Variants in PCDH7 observed in about 807,000 individuals in gnomAD.
PCDH7 encodes protocadherin-7.
PCDH7 carries 17 observed loss-of-function variants against 58.9 expected under a neutral mutation model. The ratio of observed to expected loss-of-function variants is 0.29; its 90% CI spans 0.20 to 0.43. PCDH7 has a LOEUF of 0.43. Among genes scored for constraint, PCDH7 ranks in the 20% least tolerant of loss-of-function variants. The probability of loss-of-function intolerance (pLI) is 1.00; values close to 1 mark genes in which losing one functional copy is unlikely to be tolerated. For missense variants in PCDH7, 1,274 were observed against 1,441.0 expected (o/e 0.88, Z 1.88); for synonymous variants, 664 against 616.4 (o/e 1.08, Z -1.14).
At position 30,721,538 on chromosome 4, in the gene PCDH7, C is replaced by A; in HGVS notation, c.116C>A (p.Ala39Asp). The change falls in exon 1 of 2, where the codon GCC becomes GAC. Residue 39 changes from alanine (A) to aspartate (D), a missense_variant. Around this residue, in one of 3 missense-constraint regions of PCDH7, gnomAD observed 212 missense variants for 255.8 expected, o/e 0.83. Transcript: ENST00000361762. The surrounding 1 kb of genome is among the most constrained non-coding windows in gnomAD (Gnocchi z 6.7). ...AAGCAGCTCCTCCGGTACCGGCTGGCCGAGGAGGGCCCCGCCGACGTCCGC... is the reference window on the plus strand; with the variant it reads ...AAGCAGCTCCTCCGGTACCGGCTGGACGAGGAGGGCCCCGCCGACGTCCGC... 1 of 1,600,956 alleles carries A rather than the reference C, an allele frequency of 6.2e-7. No individual in the cohort carries two copies. The highest frequency in any genetic ancestry group is 8.5e-7 in the Non-Finnish European group (1 of 1,179,512).
At position 30,840,366 on chromosome 4, in the gene PCDH7, T is replaced by C. The variant is rs147735270; in HGVS notation, c.71-79787T>C. On this transcript the variant is annotated intron_variant, in intron 1 of 3. Transcript: ENST00000509759. ...TTAGCTCAGTGCCAGTGTGGTAACC[T>C]TAAACTCGCTTACTTAAGTGGCTGA... 8.8e-3 allele frequency among the ~76,000 whole-genome samples: 1,334 copies of C among 152,240 alleles called. 17 individuals are homozygous for C. Among genetic ancestry groups the C allele is most frequent in the African/African-American group, 0.03 (1,231 of 41,546 alleles).
intron 1 of PCDH7, among the ~76,000 whole-genome samples, chr4:30,896,162 C>A (rs1363469185): frequency 2.6e-5 from 4 of 152,104 alleles, no homozygotes; most frequent in Non-Finnish European, 5.9e-5. Flanking sequence ...CTGGCTAAAT[C>A]CAGTTATATT....
At chr4:30,737,679 C>T (rs1352142486), downstream of PCDH7, among the ~76,000 whole-genome samples, 2 of 152,090 alleles carry the variant, frequency 1.3e-5, no homozygotes, top group Non-Finnish European at 2.9e-5. Context: ...CCACATATAC[C>T]AGTAGGCACT....
chr4:30,804,449 G>A (rs1185296684), intron 1 of PCDH7, among the ~76,000 whole-genome samples: 1 of 151,854 alleles, frequency 6.6e-6, no homozygotes, highest in Non-Finnish European at 1.5e-5. Context: ...TGAGGCAGGG[G>A]AATCGCTTGG....
At chr4:30,849,939 C>A (rs1390905488) in intron 1 of PCDH7, among the ~76,000 whole-genome samples, 1 of 152,036 alleles carries the variant, frequency 6.6e-6, no homozygotes, top group Non-Finnish European at 1.5e-5. Context: ...TGTCAGGACC[C>A]CAATCTTTGT....
At chr4:31,110,103 T>C (rs114102847) in intron 3 of PCDH7, among the ~76,000 whole-genome samples, 263 of 152,360 alleles carry the variant, frequency 1.7e-3, no homozygotes, top group Middle Eastern at 6.8e-3. Context: ...TCTGAATTGT[T>C]TATTTCACTT....
Position 31,123,630 on chromosome 4 carries a change from C to A in PCDH7, c.*8-18843C>A, listed in dbSNP as rs77369743. On this transcript the variant is annotated intron_variant, in intron 3 of 3. Transcript: ENST00000509759. ...ACAGTGCTCTTTTAGCTTTGCTGTT[C>A]ACGGATGGCTTAAGTGTTAAACAGC... is the stretch of plus-strand genomic sequence containing the variant. 1.9e-3 allele frequency among the ~76,000 whole-genome samples: 284 copies of A among 152,252 alleles called. 10 individuals carry two copies. In the East Asian group the frequency reaches 0.051, roughly 27 times the overall value.
chr4:31,091,628 A>G (rs1713265785), intron 3 of PCDH7, among the ~76,000 whole-genome samples: 1 of 151,920 alleles, frequency 6.6e-6, no homozygotes, highest in South Asian at 2.1e-4. Flanking sequence ...TGAAAAGGAT[A>G]GCATAAAAAT....
intron 3 of PCDH7, among the ~76,000 whole-genome samples, chr4:31,141,419 C>A (rs1307865348): frequency 6.6e-6 from 1 of 152,170 alleles, no homozygotes; most frequent in Non-Finnish European, 1.5e-5. Flanking sequence ...TTAAATAAAA[C>A]CCTTCAGGTT....
intron 1 of PCDH7, among the ~76,000 whole-genome samples, chr4:30,910,715 A>G (rs892149292): frequency 1.3e-5 from 2 of 152,162 alleles, no homozygotes; most frequent in African/African-American, 4.8e-5. Context: ...TCTTGGGAGC[A>G]TAAATTAGTT....
At chr4:30,948,167 T>A (rs2109444057) in intron 2 of PCDH7, among the ~76,000 whole-genome samples, 1 of 152,204 alleles carries the variant, frequency 6.6e-6, no homozygotes, top group South Asian at 2.1e-4. Flanking sequence ...AGTATACTTT[T>A]CATTACTTTT....
At chr4:30,890,283 G>A (rs1738440561) in intron 1 of PCDH7, among the ~76,000 whole-genome samples, 1 of 152,018 alleles carries the variant, frequency 6.6e-6, no homozygotes, top group Non-Finnish European at 1.5e-5. Context: ...TTCATTTAAT[G>A]CAATTCATAC....
At chr4:31,118,890 G>A (rs776887524) in intron 3 of PCDH7, among the ~76,000 whole-genome samples, 16 of 152,048 alleles carry the variant, frequency 1.1e-4, no homozygotes, top group Non-Finnish European at 2.1e-4. Flanking sequence ...AGAGAAAATC[G>A]TAAACCTCAA....
intron 1 of PCDH7, among the ~76,000 whole-genome samples, chr4:30,824,668 G>C (rs546652363): frequency 6.6e-6 from 1 of 151,976 alleles, no homozygotes; most frequent in African/African-American, 2.4e-5. Context: ...ATACAGGCCC[G>C]GTTTTAGCAA....
chr4:30,957,255 A>G (rs1208925933), intron 3 of PCDH7, among the ~76,000 whole-genome samples: 1 of 152,184 alleles, frequency 6.6e-6, no homozygotes, highest in Non-Finnish European at 1.5e-5. Context: ...GATAACAGAC[A>G]TCAATTAAAT....
At chr4:30,956,930 A>G (rs547287979) in intron 3 of PCDH7, among the ~76,000 whole-genome samples, 1 of 152,344 alleles carries the variant, frequency 6.6e-6, no homozygotes, top group South Asian at 2.1e-4. Context: ...ACTAGGTAGC[A>G]TAGGCTGCTG....
chr4:31,103,874 T>C (rs1203114479), intron 3 of PCDH7, among the ~76,000 whole-genome samples: 1 of 152,204 alleles, frequency 6.6e-6, no homozygotes, highest in East Asian at 1.9e-4. Context: ...AACTGCTTTC[T>C]TTTCTTTTCA....
In PCDH7 at chr4:30,722,931, G is replaced by C; in HGVS notation, c.1509G>C (p.Val503=). The change falls in exon 1 of 2, where the codon GTG becomes GTC. Residue 503 remains valine (V), a synonymous_variant. Coordinates refer to ENST00000361762, the Ensembl canonical transcript of PCDH7. This position sits in a 1 kb window ranked among gnomAD's most constrained non-coding sequence, Gnocchi z 7.6. ...ATGAGGCCACCCGGGAGTTCAACGT[G>C]GTCATCGTGGCGGTGGACTCAGGCA... is the stretch of plus-strand genomic sequence containing the variant. The C allele has an allele frequency of 1.2e-6, 2 of 1,613,694 alleles. No homozygotes were observed. The highest frequency in any genetic ancestry group is 1.7e-6 in the Non-Finnish European group (2 of 1,180,018).
At chr4:31,102,636 G>A (rs1052507932) in intron 3 of PCDH7, among the ~76,000 whole-genome samples, 2 of 149,818 alleles carry the variant, frequency 1.3e-5, no homozygotes, top group African/African-American at 4.9e-5. Context: ...TCATGCCACT[G>A]CATTCCAGCC....
Sources: gnomAD v4.1 joint callset for allele counts (sites outside exome capture counted in the v4.1 genomes callset) on GRCh38, gnomAD v4.1.1 for gene constraint, gnomAD v4.1.1 regional missense constraint, Gnocchi (gnomAD v3.1) non-coding constraint, MANE v1.5 for transcripts, NCBI Gene and HGNC (gene_info 2026-07-23, HGNC 2026-07-21) for gene names.